The following NFIA variants were observed in gnomAD, a reference collection of about 807,000 sequenced individuals.
NFIA encodes the protein nuclear factor I A.
A neutral mutation model predicts 62.8 loss-of-function variants in NFIA; 8 were observed. The ratio of observed to expected loss-of-function variants is 0.13; its 90% CI spans 0.07 to 0.23. The LOEUF (loss-of-function observed/expected upper bound fraction) is 0.23, where lower values mean the gene tolerates loss of function less well. Among genes scored for constraint, NFIA ranks in the 10% least tolerant of loss-of-function variants. The pLI is 1.00. For synonymous variants in NFIA, 235 were observed against 238.1 expected (o/e 0.99, Z 0.12); for missense variants, 410 against 642.1 (o/e 0.64, Z 3.91).
At chr1:61,445,651 A>T (rs1241733299) in intron 10 of NFIA, among the ~76,000 whole-genome samples, 1 of 152,174 alleles carries the variant, frequency 6.6e-6, no homozygotes, top group Non-Finnish European at 1.5e-5. Context: ...GATAACACAG[A>T]GCTATGACCG....
At chr1:61,379,431 T>C (rs1385314139) in intron 6 of NFIA, among the ~76,000 whole-genome samples, 1 of 128,434 alleles carries the variant, frequency 7.8e-6, no homozygotes, top group African/African-American at 3.1e-5. Flanking sequence ...TTTTTTGAGA[T>C]GGAATCTTGC....
chr1:61,146,892 C>G (rs935465498), intron 2 of NFIA, among the ~76,000 whole-genome samples: 4 of 151,830 alleles, frequency 2.6e-5, no homozygotes, highest in African/African-American at 9.7e-5. Context: ...AGATATTTAC[C>G]AGAAGCTGAA....
At position 61,154,131 on chromosome 1, in the gene NFIA, C is replaced by T. The variant is rs775796275; in HGVS notation, c.559+65451C>T. On this transcript the variant is annotated intron_variant, in intron 2 of 10. Transcript: ENST00000403491. The stretch of plus-strand genomic sequence containing the variant: ...TGTAAATTGACAATTTAAAAACACA[C>T]ATTTGTTTTATTTTATTTTATTTTT... Among the ~76,000 whole-genome samples, 14 of 152,132 alleles carry T rather than the reference C, an allele frequency of 9.2e-5. 1 individual carries two copies. Among genetic ancestry groups the T allele is most frequent in the Non-Finnish European group, 4.4e-5 (3 of 68,020 alleles).
In NFIA at chr1:61,404,174, C is replaced by T. The variant is rs777723176; in HGVS notation, c.1146C>T (p.Tyr382=). Residue 382 remains tyrosine (Y), a synonymous_variant, in exon 8 of 11, where the codon TAC becomes TAT. Coordinates refer to ENST00000403491, the MANE Select transcript of NFIA (RefSeq NM_001134673.4). ...TSPIIQQPGP[Y]FSHPAIRYHP... is the part of the protein sequence containing the mutation. ...CCATTATCCAGCAGCCTGGGCCTTA[C>T]TTCTCACACCCAGCCATCCGCTATC... 3.7e-6 allele frequency: 6 copies of T among 1,614,098 alleles called. No homozygotes were observed. Among genetic ancestry groups the T allele is most frequent in the Non-Finnish European group, 5.1e-6 (6 of 1,180,052 alleles).
chr1:61,451,754 C>T (rs1205534309), intron 10 of NFIA, among the ~76,000 whole-genome samples: 1 of 152,138 alleles, frequency 6.6e-6, no homozygotes, highest in East Asian at 1.9e-4. Flanking sequence ...TCCTATATTG[C>T]ATTGTAATAA....
At chr1:61,317,641 TTAAA>T (rs1340572407) in intron 3 of NFIA, among the ~76,000 whole-genome samples, 54 of 152,188 alleles carry the variant, frequency 3.5e-4, no homozygotes, top group African/African-American at 1.2e-3. Context: ...AAAAATTCAC[TTAAA>T]TAAAATTACA....
intron 2 of NFIA, among the ~76,000 whole-genome samples, chr1:61,118,436 G>A (rs1264696999): frequency 2.6e-5 from 4 of 152,142 alleles, no homozygotes; most frequent in Admixed American, 2.0e-4. Context: ...GCAGCACAGA[G>A]ACAGCCCTGG....
chr1:61,394,907 G>A (rs1665187974), intron 7 of NFIA, among the ~76,000 whole-genome samples: 1 of 152,090 alleles, frequency 6.6e-6, no homozygotes. Flanking sequence ...TCAGGAGTTT[G>A]CAACCAGCCT....
chr1:61,226,059 C>G (rs1303243023), intron 2 of NFIA, among the ~76,000 whole-genome samples: 1 of 152,080 alleles, frequency 6.6e-6, no homozygotes. Flanking sequence ...TAAAATGAAA[C>G]AGTGGACATA....
At chr1:61,347,549 C>T (rs1662306211) in intron 4 of NFIA, among the ~76,000 whole-genome samples, 1 of 152,150 alleles carries the variant, frequency 6.6e-6, no homozygotes, top group Admixed American at 6.5e-5. Flanking sequence ...TCCTGTGCCT[C>T]TTTAAATCTG....
chr1:61,359,768 C>T (rs975070012), intron 6 of NFIA, among the ~76,000 whole-genome samples: 6 of 151,780 alleles, frequency 4.0e-5, no homozygotes, highest in Non-Finnish European at 7.4e-5. Context: ...TTAGTAGAGA[C>T]GGGGTTTCAC....
At chr1:61,092,529 A>T (rs1415862355) in intron 2 of NFIA, among the ~76,000 whole-genome samples, 1 of 152,214 alleles carries the variant, frequency 6.6e-6, no homozygotes, top group African/African-American at 2.4e-5. Flanking sequence ...GTGTCTCGGA[A>T]GCCTGATACC....
At chr1:61,354,827 C>G (rs758759497) in intron 5 of NFIA, among the ~76,000 whole-genome samples, 1 of 152,180 alleles carries the variant, frequency 6.6e-6, no homozygotes, top group Non-Finnish European at 1.5e-5. Flanking sequence ...GCCTCCCCAT[C>G]TAGACAGTGA....
chr1:61,221,361 T>A (rs556666853), intron 2 of NFIA, among the ~76,000 whole-genome samples: 1 of 152,264 alleles, frequency 6.6e-6, no homozygotes, highest in South Asian at 2.1e-4. Flanking sequence ...TCCAGAAAGA[T>A]AATTTGCAGC....
chr1:61,082,650 C>T lies in NFIA; in HGVS notation c.-142C>T. On this transcript the variant is annotated 5_prime_UTR_variant, in exon 1 of 11. Transcript: ENST00000403491. ...TGGAAATGTGAACGCAAGAAGCAGG[C>T]TTGATTTTTTTTTCTCCCCCCTTCT... 6.5e-7 allele frequency: 1 copy of T among 1,528,516 alleles called. No homozygotes were observed. Among genetic ancestry groups the T allele is most frequent in the South Asian group, 1.2e-5 (1 of 81,788 alleles). 94.7% of individuals were successfully genotyped at this position (1,528,516 alleles called of 1,614,324 possible).
chr1:61,244,975 C>T (rs1655553816), intron 2 of NFIA, among the ~76,000 whole-genome samples: 1 of 152,054 alleles, frequency 6.6e-6, no homozygotes, highest in African/African-American at 2.4e-5. Context: ...TTTTTTTCTT[C>T]ATTAAATACT....
At chr1:61,121,105 G>T (rs1397933651) in intron 2 of NFIA, among the ~76,000 whole-genome samples, 2 of 152,290 alleles carry the variant, frequency 1.3e-5, no homozygotes, top group East Asian at 3.9e-4. Context: ...TCAATGGAGT[G>T]GACTGAGGAC....
At chr1:61,435,789 G>C (rs147976414) in intron 10 of NFIA, among the ~76,000 whole-genome samples, 2 of 152,174 alleles carry the variant, frequency 1.3e-5, no homozygotes, top group African/African-American at 4.8e-5. Flanking sequence ...GGAAGAAGGC[G>C]CAATAGGTAG....
chr1:61,151,332 C>T (rs1349165982), intron 2 of NFIA, among the ~76,000 whole-genome samples: 1 of 152,060 alleles, frequency 6.6e-6, no homozygotes, highest in Non-Finnish European at 1.5e-5. Flanking sequence ...TCCTCAGCCT[C>T]CCAAGTAGCT....
Sources: allele counts gnomAD v4.1 joint callset (sites outside exome capture counted in the v4.1 genomes callset), GRCh38; gene constraint gnomAD v4.1.1; transcripts MANE v1.5; gene names NCBI Gene and HGNC (gene_info 2026-07-23, HGNC 2026-07-21).